The following MALRD1 variants were observed in gnomAD, a reference collection of about 807,000 sequenced individuals.
MALRD1 encodes the protein MAM and LDL-receptor class A domain-containing protein 1.
A neutral mutation model predicts 242.1 loss-of-function variants in MALRD1; 247 were observed. The ratio of observed to expected loss-of-function variants is 1.02; its 90% CI spans 0.92 to 1.13. The LOEUF is 1.13. Ranked by LOEUF, MALRD1 falls within the 50% of genes most tolerant of loss-of-function variation. The pLI is 0.00. For missense variants in MALRD1, 2,989 were observed against 2,533.1 expected (o/e 1.18, Z -3.86); for synonymous variants, 995 against 866.6 (o/e 1.15, Z -2.60).
chr10:19,685,644 T>C (rs938837445), intron 36 of MALRD1, among the ~76,000 whole-genome samples: 3 of 152,230 alleles, frequency 2.0e-5, no homozygotes, highest in Non-Finnish European at 2.9e-5. Context: ...TTTTGCTGTT[T>C]CTCAATGACT....
At chr10:19,211,197 C>A (rs1050852691) in intron 18 of MALRD1, among the ~76,000 whole-genome samples, 1 of 151,996 alleles carries the variant, frequency 6.6e-6, no homozygotes. Context: ...GCCAGATCGA[C>A]GTGGGACTAA....
At chr10:19,632,546 A>G (rs570080825) in intron 36 of MALRD1, among the ~76,000 whole-genome samples, 33 of 152,282 alleles carry the variant, frequency 2.2e-4, no homozygotes, top group Admixed American at 4.6e-4. Flanking sequence ...ATCTGGCTTA[A>G]AAACCTAAGG....
intron 29 of MALRD1, among the ~76,000 whole-genome samples, chr10:19,458,314 A>G (rs923303544): frequency 2.0e-5 from 3 of 152,302 alleles, no homozygotes; most frequent in East Asian, 3.9e-4. Flanking sequence ...ATAGCTTGTT[A>G]TAATTAGTTT....
chr10:19,715,934 A>G (rs887149006), intron 38 of MALRD1, among the ~76,000 whole-genome samples: 1 of 152,176 alleles, frequency 6.6e-6, no homozygotes, highest in Admixed American at 6.5e-5. Context: ...ATCTGCCCCC[A>G]TGGCCCAAAC....
At chr10:19,419,225 G>T (rs1833625341) in intron 28 of MALRD1, among the ~76,000 whole-genome samples, 1 of 151,968 alleles carries the variant, frequency 6.6e-6, no homozygotes, top group African/African-American at 2.4e-5. Flanking sequence ...CTCTTAAAAT[G>T]ATTTTCCTTA....
chr10:19,056,713 G>T (rs951542900), intron 1 of MALRD1, among the ~76,000 whole-genome samples: 9 of 152,034 alleles, frequency 5.9e-5, no homozygotes, highest in Non-Finnish European at 1.2e-4. Flanking sequence ...AGGACTTCCA[G>T]TTCTATGCTG....
At chr10:19,175,653 C>G (rs1270315356) in intron 14 of MALRD1, among the ~76,000 whole-genome samples, 2 of 151,542 alleles carry the variant, frequency 1.3e-5, no homozygotes, top group African/African-American at 4.8e-5. Context: ...ATATTCACTT[C>G]TCCATTAATT....
chr10:19,491,776 C>A, intron 30 of MALRD1, 131 bp downstream of exon 30: 2 of 965,492 alleles, frequency 2.1e-6, no homozygotes, highest in Non-Finnish European at 1.5e-6. Context: ...TAGAATAGCC[C>A]AAATATTTCC....
rs1039952013 is a variant in MALRD1 at position 19,352,242 on chromosome 10, T to C, written c.4386T>C (p.Asn1462=). 5.8e-6 allele frequency: 9 copies of C among 1,550,292 alleles called. No homozygotes were observed. The South Asian group carries it at 8.3e-5, about 14-fold the overall frequency. ...IALDDIVLTE[N]CLSLHDSVQE... is the part of the protein sequence containing the mutation. Reference sequence around the variant, plus strand: ...TTGATGACATTGTGCTTACAGAAAATTGTCTATCACTCCATGATTCCGTGC... The same window carrying C: ...TTGATGACATTGTGCTTACAGAAAACTGTCTATCACTCCATGATTCCGTGC... Residue 1462 remains asparagine, a synonymous_variant, in exon 26 of 40, where the codon AAT becomes AAC. Transcript: ENST00000454679.
chr10:19,149,077 C>CATCTATCTATCTATCTATCT (rs10657245), intron 11 of MALRD1, among the ~76,000 whole-genome samples: 72 of 144,032 alleles, frequency 5.0e-4, no homozygotes, highest in East Asian at 1.2e-3. Flanking sequence ...TCTATCTGTC[C>CATCTATCTATCTATCTATCT]ATCTATCTAT....
At position 19,708,962 on chromosome 10, in the gene MALRD1, G is replaced by A. The variant is rs572268024; in HGVS notation, c.6314+16408G>A. Among the ~76,000 whole-genome samples, 48 of 122,002 alleles carry A rather than the reference G, an allele frequency of 3.9e-4. 11 individuals carry two copies. The highest frequency in any genetic ancestry group is 9.9e-4 in the African/African-American group (38 of 38,536). The allele number at this position is 122,002 out of a possible 152,430, so 80.0% of individuals were successfully genotyped here. Reference sequence around the variant, plus strand: ...ACAGGCATGAGCCACCACATCTGGCGGGCCACATTTATTTTGAAATGGAAA... The same window carrying A: ...ACAGGCATGAGCCACCACATCTGGCAGGCCACATTTATTTTGAAATGGAAA... On this transcript the variant is annotated intron_variant, in intron 38 of 39. Transcript: ENST00000454679.
chr10:19,550,797 T>C (rs1448515236), intron 32 of MALRD1, among the ~76,000 whole-genome samples: 2 of 152,182 alleles, frequency 1.3e-5, no homozygotes, highest in Non-Finnish European at 2.9e-5. Context: ...AGTGCTGCAA[T>C]GAACATACAT....
chr10:19,560,195 G>A lies in MALRD1; in HGVS notation c.5479-7307G>A, dbSNP rs143741948. ...TTTAAAGACACATGCATGGCCGGGT[G>A]TGGTGGCTCACGCCTATAATCCCAG... On this transcript the variant is annotated intron_variant, in intron 32 of 39. Coordinates refer to ENST00000454679, the MANE Select transcript of MALRD1 (RefSeq NM_001142308.3). Among the ~76,000 whole-genome samples the A allele has an allele frequency of 2.7e-3, 405 of 152,332 alleles. 7 individuals are homozygous for A. The East Asian group carries it at 0.057, about 21-fold the overall frequency.
intron 8 of MALRD1, among the ~76,000 whole-genome samples, chr10:19,131,786 C>T (rs1018251176): frequency 3.9e-5 from 6 of 151,916 alleles, no homozygotes; most frequent in Admixed American, 6.6e-5. Context: ...GATCCTGGAC[C>T]GGTGGAGCAA....
chr10:19,579,820 T>C (rs757401178), intron 33 of MALRD1, among the ~76,000 whole-genome samples: 1 of 152,114 alleles, frequency 6.6e-6, no homozygotes, highest in Non-Finnish European at 1.5e-5. Flanking sequence ...AATGTGAACA[T>C]TGAATTAAAA....
chr10:19,453,506 T>G (rs1336363776), intron 29 of MALRD1, among the ~76,000 whole-genome samples: 2 of 152,230 alleles, frequency 1.3e-5, no homozygotes, highest in African/African-American at 4.8e-5. Context: ...ACTTATGGCA[T>G]GTAAATTATA....
intron 38 of MALRD1, among the ~76,000 whole-genome samples, chr10:19,723,201 A>G (rs1834852383): frequency 6.6e-6 from 1 of 152,304 alleles, no homozygotes. Flanking sequence ...CAATGCCTCC[A>G]CACACGAAAT....
At chr10:19,341,473 TATATATATGTGTATATATATGTATATATG>T in intron 24 of MALRD1, among the ~76,000 whole-genome samples, 1 of 68,748 alleles carries the variant, frequency 1.5e-5, no homozygotes, top group Middle Eastern at 7.2e-3. Flanking sequence ...TGTATATATG[TATATATATGTGTATATATATGTATATATG>T]TATATATATG....
chr10:19,331,990 C>T (rs1248827709), intron 24 of MALRD1, among the ~76,000 whole-genome samples: 2 of 151,866 alleles, frequency 1.3e-5, no homozygotes, highest in African/African-American at 2.4e-5. Context: ...CTCAGTCTCC[C>T]GAATAGCTGG....
Sources: gnomAD v4.1 joint callset for allele counts (sites outside exome capture counted in the v4.1 genomes callset) on GRCh38, gnomAD v4.1.1 for gene constraint, MANE v1.5 for transcripts, NCBI Gene and HGNC (gene_info 2026-07-23, HGNC 2026-07-21) for gene names.